The following CSMD3 variants were observed in gnomAD, a reference collection of about 807,000 sequenced individuals.
CSMD3 encodes CUB and sushi domain-containing protein 3.
Under a neutral mutation model 435.2 loss-of-function variants are expected in CSMD3, and 177 were observed. That is an observed-to-expected ratio of 0.41 (90% confidence interval 0.36 to 0.46). The LOEUF is 0.46. CSMD3 is among the 20% of genes least tolerant of loss of function. The pLI is 0.34. For synonymous variants in CSMD3, 1,656 were observed against 1,520.5 expected (o/e 1.09, Z -2.07); for missense variants, 4,265 against 4,504.6 (o/e 0.95, Z 1.52).
chr8:112,497,092 C>A (rs143057082), intron 30 of CSMD3, among the ~76,000 whole-genome samples: 3 of 151,852 alleles, frequency 2.0e-5, no homozygotes, highest in African/African-American at 7.2e-5. Flanking sequence ...TACTATGTAC[C>A]CACAAAAATT....
chr8:112,237,420 T>C (rs1813689965), intron 66 of CSMD3, 72 bp from the exon 67 acceptor site: 2 of 1,099,618 alleles, frequency 1.8e-6, no homozygotes, highest in Admixed American at 3.5e-5. Context: ...AATAGAGTAT[T>C]AGTTTATTGA....
rs1416369992 is a variant in CSMD3 at position 112,552,578 on chromosome 8, A to C, written c.4361+16T>G. The C allele has an allele frequency of 6.2e-7, 1 of 1,609,912 alleles. No individual in the cohort carries two copies. Among genetic ancestry groups the C allele is most frequent in the Non-Finnish European group, 8.5e-7 (1 of 1,177,482 alleles). On this transcript the variant is annotated intron_variant, in intron 26 of 70. Coordinates refer to ENST00000297405, the MANE Select transcript of CSMD3 (RefSeq NM_198123.2). ...TCAGATTCCCTAGTAATGTTGAGAAAATGAAATTCATTTACCTGACAATAT... is the reference window on the plus strand; with the variant it reads ...TCAGATTCCCTAGTAATGTTGAGAACATGAAATTCATTTACCTGACAATAT...
chr8:113,256,966 C>A (rs538213004), intron 3 of CSMD3, among the ~76,000 whole-genome samples: 1 of 152,068 alleles, frequency 6.6e-6, no homozygotes, highest in Admixed American at 6.6e-5. Context: ...CTTATAAACA[C>A]TGAAGTCTGG....
chr8:112,242,357 T>C (rs1486942013), intron 65 of CSMD3, among the ~76,000 whole-genome samples: 3 of 152,098 alleles, frequency 2.0e-5, no homozygotes, highest in Non-Finnish European at 4.4e-5. Context: ...CCTTGTAAAC[T>C]ATGTATCCTA....
chr8:112,742,264 A>G (rs1462534243), intron 13 of CSMD3, among the ~76,000 whole-genome samples: 1 of 152,010 alleles, frequency 6.6e-6, no homozygotes, highest in African/African-American at 2.4e-5. Context: ...GCAGAAGATT[A>G]TAATGTCATA....
intron 13 of CSMD3, among the ~76,000 whole-genome samples, chr8:112,770,657 T>A (rs1384112165): frequency 6.6e-6 from 1 of 152,028 alleles, no homozygotes; most frequent in Admixed American, 6.6e-5. Flanking sequence ...AATTACGATC[T>A]TGATCATTCA....
chr8:112,507,365 T>C (rs530282126), intron 28 of CSMD3, among the ~76,000 whole-genome samples: 3 of 152,250 alleles, frequency 2.0e-5, no homozygotes, highest in South Asian at 2.1e-4. Flanking sequence ...ATAGATTCTT[T>C]AGGGGATTAC....
chr8:112,671,891 A>G (rs1461693036), intron 16 of CSMD3, among the ~76,000 whole-genome samples: 1 of 152,054 alleles, frequency 6.6e-6, no homozygotes, highest in African/African-American at 2.4e-5. Context: ...TGAGGCTCTA[A>G]CCCCATTTTA....
intron 4 of CSMD3, among the ~76,000 whole-genome samples, chr8:113,159,865 T>C (rs1462500195): frequency 6.6e-6 from 1 of 151,968 alleles, no homozygotes; most frequent in Non-Finnish European, 1.5e-5. Flanking sequence ...ATAAATTGAT[T>C]GCGTTATTAT....
intron 44 of CSMD3, among the ~76,000 whole-genome samples, 193 bp from the exon 45 acceptor site, chr8:112,335,667 G>C (rs1196083006): frequency 6.6e-6 from 1 of 151,088 alleles, no homozygotes; most frequent in African/African-American, 2.4e-5. Context: ...TAAATGTCAA[G>C]TATAAAAATA....
intron 9 of CSMD3, among the ~76,000 whole-genome samples, chr8:112,945,254 C>T (rs1038081025): frequency 1.3e-5 from 2 of 151,680 alleles, no homozygotes; most frequent in Non-Finnish European, 1.5e-5. Flanking sequence ...GAATCTGTCT[C>T]GTTCCCTGCC....
chr8:112,883,107 G>A (rs1339228408), intron 10 of CSMD3, among the ~76,000 whole-genome samples: 2 of 151,870 alleles, frequency 1.3e-5, no homozygotes, highest in African/African-American at 4.8e-5. Flanking sequence ...CAGGATAAAG[G>A]AGCACACTTT....
At chr8:113,075,221 A>G (rs1220484831) in intron 5 of CSMD3, among the ~76,000 whole-genome samples, 2 of 151,806 alleles carry the variant, frequency 1.3e-5, no homozygotes, top group Non-Finnish European at 3.0e-5. Context: ...TAATAATCAT[A>G]TAGAACAATT....
intron 22 of CSMD3, among the ~76,000 whole-genome samples, chr8:112,634,471 T>C (rs1311427272): frequency 6.6e-6 from 1 of 152,028 alleles, no homozygotes; most frequent in Non-Finnish European, 1.5e-5. Context: ...GAATTAATTG[T>C]AAATTTTAAT....
intron 10 of CSMD3, among the ~76,000 whole-genome samples, chr8:112,897,831 T>G (rs2081996186): frequency 1.3e-5 from 2 of 150,870 alleles, no homozygotes; most frequent in Admixed American, 1.3e-4. Context: ...TTAAATACAA[T>G]ATAAAAGGAC....
intron 5 of CSMD3, among the ~76,000 whole-genome samples, chr8:113,038,812 C>T (rs1045335003): frequency 1.3e-5 from 2 of 152,158 alleles, no homozygotes; most frequent in Admixed American, 6.5e-5. Flanking sequence ...CCCATACAAA[C>T]AGGTCTCCAA....
intron 9 of CSMD3, among the ~76,000 whole-genome samples, chr8:112,927,361 T>C (rs2082944368): frequency 6.6e-6 from 1 of 152,146 alleles, no homozygotes; most frequent in African/African-American, 2.4e-5. Flanking sequence ...TTCTTTCTTA[T>C]TTCCTTCTTG....
chr8:112,891,131 T>C (rs1192721986), intron 10 of CSMD3, among the ~76,000 whole-genome samples: 5 of 151,632 alleles, frequency 3.3e-5, no homozygotes, highest in Non-Finnish European at 5.9e-5. Flanking sequence ...CTCCTGGGAC[T>C]TGTAACATCC....
chr8:112,880,616 A>G (rs751856060), intron 10 of CSMD3, among the ~76,000 whole-genome samples: 3 of 152,036 alleles, frequency 2.0e-5, no homozygotes, highest in Non-Finnish European at 4.4e-5. Flanking sequence ...TTCCCAGAAC[A>G]TCTAAGGTCG....
Sources: allele counts gnomAD v4.1 joint callset (sites outside exome capture counted in the v4.1 genomes callset), GRCh38; gene constraint gnomAD v4.1.1; transcripts MANE v1.5; gene names NCBI Gene and HGNC (gene_info 2026-07-23, HGNC 2026-07-21).